Variants in PRMT8 observed in about 807,000 individuals in gnomAD.
The protein encoded by PRMT8 is protein arginine N-methyltransferase 8.
Under a neutral mutation model 47.1 loss-of-function variants are expected in PRMT8, and 7 were observed. The ratio of observed to expected loss-of-function variants is 0.15; its 90% CI spans 0.08 to 0.28. The LOEUF (loss-of-function observed/expected upper bound fraction) is 0.28. Among genes scored for constraint, PRMT8 ranks in the 10% least tolerant of loss-of-function variants. PRMT8 has a pLI of 1.00. For synonymous variants in PRMT8, 188 were observed against 186.5 expected (o/e 1.01, Z -0.07); for missense variants, 237 against 505.4 (o/e 0.47, Z 5.09).
chr12:3,467,239 CAAAAAAAA>C (rs10694948), intron 1 of PRMT8, among the ~76,000 whole-genome samples: 1 of 48,818 alleles, frequency 2.0e-5, no homozygotes, highest in Non-Finnish European at 3.1e-5. Flanking sequence ...GACTCCATCT[CAAAAAAAA>C]AAAAAAAAAA....
chr12:3,431,117 G>C (rs1864671486), intron 1 of PRMT8, among the ~76,000 whole-genome samples: 1 of 152,200 alleles, frequency 6.6e-6, no homozygotes, highest in African/African-American at 2.4e-5. Flanking sequence ...ATTTAGATTT[G>C]GTTTTGAAGG....
At position 3,471,289 on chromosome 12, in the gene PRMT8, G is replaced by T. The variant is rs530202338; in HGVS notation, c.49-69317G>T. Among the ~76,000 whole-genome samples the T allele has an allele frequency of 7.9e-5, 12 of 152,146 alleles. No homozygotes were observed. In the South Asian group the frequency reaches 2.5e-3, roughly 32 times the overall value. ...AGTGCGGTGGCTTGCTCTGCTCCCA[G>T]CTCTCCCCTACTCTCTCTGCAAACC... On this transcript the variant is annotated intron_variant, in intron 1 of 9. Transcript: ENST00000452611.
chr12:3,491,104 C>T (rs1013358040), upstream of PRMT8: 2 of 955,056 alleles, frequency 2.1e-6, no homozygotes, highest in Non-Finnish European at 2.5e-6. Flanking sequence ...CGCTGGGGGC[C>T]CTCGGTCTGC....
chr12:3,552,769 T>A lies in PRMT8; in HGVS notation c.418-882T>A. 1 of 476,908 alleles carries A rather than the reference T, an allele frequency of 2.1e-6. No homozygotes were observed. The highest frequency in any genetic ancestry group is 4.2e-6 in the Non-Finnish European group (1 of 237,948). The allele number at this position is 476,908 out of a possible 1,614,324, so 29.5% of individuals were successfully genotyped here. ...AACTCCCTCAGTGCCCCTTTGCGAGTACTTCTCAAGGGAATGGTCCCTGCC... is the reference window on the plus strand; with the variant it reads ...AACTCCCTCAGTGCCCCTTTGCGAGAACTTCTCAAGGGAATGGTCCCTGCC... On this transcript the variant is annotated intron_variant, in intron 3 of 9. Transcript: ENST00000382622. The surrounding 1 kb of genome is among the most constrained non-coding windows in gnomAD (Gnocchi z 4.5).
intron 1 of PRMT8, among the ~76,000 whole-genome samples, chr12:3,423,202 A>T (rs1394353373): frequency 6.6e-6 from 1 of 152,204 alleles, no homozygotes; most frequent in African/African-American, 2.4e-5. Context: ...GCCCTGGATC[A>T]TCTATGTGTA....
intron 1 of PRMT8, among the ~76,000 whole-genome samples, chr12:3,392,647 T>C (rs1864205148): frequency 6.6e-6 from 1 of 151,940 alleles, no homozygotes; most frequent in South Asian, 2.1e-4. Flanking sequence ...GTCTTTGCTA[T>C]TGTGAATAAT....
intron 1 of PRMT8, among the ~76,000 whole-genome samples, chr12:3,413,558 C>T (rs547832496): frequency 2.9e-4 from 44 of 152,270 alleles, no homozygotes; most frequent in East Asian, 3.9e-4. Flanking sequence ...TAACAGGCAA[C>T]GAGCTGTTAT....
intron 4 of PRMT8, among the ~76,000 whole-genome samples, chr12:3,560,382 GAC>G (rs1286028685): frequency 5.9e-5 from 9 of 152,202 alleles, no homozygotes; most frequent in African/African-American, 2.2e-4. Context: ...TTCACATGTA[GAC>G]ACACACCCAC....
intron 1 of PRMT8, among the ~76,000 whole-genome samples, chr12:3,443,457 A>G (rs959268270): frequency 1.3e-5 from 2 of 151,930 alleles, no homozygotes; most frequent in African/African-American, 4.8e-5. Flanking sequence ...TCTCCTGTCT[A>G]ACTCACATCC....
At chr12:3,565,217 G>A (rs911002930) in intron 4 of PRMT8, among the ~76,000 whole-genome samples, 6 of 152,016 alleles carry the variant, frequency 3.9e-5, no homozygotes, top group South Asian at 2.1e-4. Context: ...TTGAAGAACC[G>A]CAGCTTTCTG....
intron 1 of PRMT8, among the ~76,000 whole-genome samples, chr12:3,422,576 A>G (rs4766116): frequency 0.75 from 114,838 of 152,162 alleles, 44,609 homozygotes; most frequent in East Asian, 0.94. Flanking sequence ...GTGGAGATAT[A>G]TGACTGGGGG....
rs1230134798 is a variant in PRMT8, at chr12:3,576,414, A to C, written c.713-457A>C. On this transcript the variant is annotated intron_variant, in intron 6 of 9. Coordinates refer to ENST00000382622, the MANE Select transcript of PRMT8 (RefSeq NM_019854.5). This position sits in a 1 kb window ranked among gnomAD's most constrained non-coding sequence, Gnocchi z 4.0. Reference sequence around the variant, plus strand: ...TAAAGGTTCAGTGGATGGGGACAGGAAAAGGGAGAGAGATGGGCCTTCTAG... The same window carrying C: ...TAAAGGTTCAGTGGATGGGGACAGGCAAAGGGAGAGAGATGGGCCTTCTAG... Among the ~76,000 whole-genome samples, 1 of 152,230 alleles carries C rather than the reference A, an allele frequency of 6.6e-6. No individual in the cohort carries two copies.
intron 1 of PRMT8, among the ~76,000 whole-genome samples, chr12:3,395,827 T>C (rs11830894): frequency 0.25 from 38,263 of 150,908 alleles, 5,123 homozygotes; most frequent in African/African-American, 0.3. Context: ...AAGTCTCCCA[T>C]TACTAATGTG....
At chr12:3,577,066 C>T in intron 7 of PRMT8, 80 bp downstream of exon 7, 1 of 1,171,430 alleles carries the variant, frequency 8.5e-7, no homozygotes, top group Non-Finnish European at 1.3e-6. Flanking sequence ...AATGCCGGCT[C>T]CTGCACAGCC....
intron 1 of PRMT8, among the ~76,000 whole-genome samples, chr12:3,411,546 GT>G (rs1266254328): frequency 3.9e-5 from 6 of 152,200 alleles, no homozygotes; most frequent in Non-Finnish European, 8.8e-5. Context: ...TACTAGCTTG[GT>G]TAAAACTAAA....
chr12:3,586,310 G>A (rs1450695793), intron 8 of PRMT8, among the ~76,000 whole-genome samples: 1 of 152,156 alleles, frequency 6.6e-6, no homozygotes, highest in African/African-American at 2.4e-5. Flanking sequence ...GATTTGCCCT[G>A]AGTGTTGAAG....
chr12:3,523,071 AG>A (rs1865904668), intron 1 of PRMT8, among the ~76,000 whole-genome samples: 2 of 152,166 alleles, frequency 1.3e-5, no homozygotes, highest in Non-Finnish European at 2.9e-5. Context: ...CAAACCATAA[AG>A]TTCAATGCCT....
chr12:3,403,534 A>G (rs763142080), intron 1 of PRMT8, among the ~76,000 whole-genome samples: 9 of 152,084 alleles, frequency 5.9e-5, no homozygotes, highest in Non-Finnish European at 1.3e-4. Flanking sequence ...AAAAATACAC[A>G]TAGAATAAAT....
intron 1 of PRMT8, among the ~76,000 whole-genome samples, chr12:3,505,072 C>A (rs1179140609): frequency 1.4e-5 from 2 of 141,534 alleles, no homozygotes; most frequent in Non-Finnish European, 3.1e-5. Flanking sequence ...GCGCACGGTG[C>A]GCACACACAC....
Sources: gnomAD v4.1 joint callset for allele counts (sites outside exome capture counted in the v4.1 genomes callset) on GRCh38, gnomAD v4.1.1 for gene constraint, Gnocchi (gnomAD v3.1) non-coding constraint, MANE v1.5 for transcripts, NCBI Gene and HGNC (gene_info 2026-07-23, HGNC 2026-07-21) for gene names.